Variants in RPS6KA5 observed in about 807,000 individuals in gnomAD.
RPS6KA5 encodes the protein ribosomal protein S6 kinase alpha-5.
In RPS6KA5, 27 loss-of-function variants were observed where a neutral mutation model predicts 85.5. That is an observed-to-expected ratio of 0.32 (90% CI 0.23 to 0.44). The LOEUF is 0.44. Among genes scored for constraint, RPS6KA5 ranks in the 20% least tolerant of loss-of-function variants. The probability of loss-of-function intolerance (pLI) is 1.00; values close to 1 mark genes in which losing one functional copy is unlikely to be tolerated. For synonymous variants in RPS6KA5, 334 were observed against 348.2 expected, an observed-to-expected ratio of 0.96 and a Z score of 0.46; for missense variants, 811 against 980.9, an observed-to-expected ratio of 0.83 and a Z score of 2.31.
In RPS6KA5 at chr14:90,901,310, T is replaced by A. The variant is rs147157174; in HGVS notation, c.1120-574A>T. 3.9e-5 allele frequency among the ~76,000 whole-genome samples: 6 copies of A among 152,182 alleles called. No homozygotes were observed. In the East Asian group the frequency reaches 9.7e-4, roughly 24 times the overall value. ...TCGAACTGGTCTCAAACCCCTGACC[T>A]CAAGTGATCAACCCACCTCGGCCTC... On this transcript the variant is annotated intron_variant, in intron 9 of 16. Coordinates refer to ENST00000614987, the MANE Select transcript of RPS6KA5 (RefSeq NM_004755.4).
chr14:90,955,630 G>C (rs2038461141), intron 3 of RPS6KA5, among the ~76,000 whole-genome samples: 1 of 58,426 alleles, frequency 1.7e-5, no homozygotes, highest in African/African-American at 1.1e-4. Flanking sequence ...TGATTTTAAT[G>C]TTTTAAAATT....
chr14:91,060,234 C>T, intron 1 of RPS6KA5, 98 bp downstream of exon 1: 1 of 965,110 alleles, frequency 1.0e-6, no homozygotes, highest in Non-Finnish European at 1.2e-6. Context: ...TCCGCGCCCA[C>T]GGCTGCGGCC....
In RPS6KA5 at chr14:90,894,597, A is replaced by C. The variant is rs1198530216; in HGVS notation, c.1474-14T>G. On this transcript the variant is annotated splice_polypyrimidine_tract_variant and intron_variant, in intron 12 of 16. Transcript: ENST00000614987. ...AAACGTGTGAAGCTAGAAAAGAGAA[A>C]GAATAACGTGGAGGGCCTTCCTGAA... 1 of 1,612,010 alleles carries C rather than the reference A, an allele frequency of 6.2e-7. No individual in the cohort carries two copies. The highest frequency in any genetic ancestry group is 8.5e-7 in the Non-Finnish European group (1 of 1,178,652).
rs977148623 is a variant in RPS6KA5 at position 90,865,957 on chromosome 14, T to C, written c.*6117A>G. ...CTCACACAGCATCATTATTTCCTTA[T>C]TCCTAATAATTTTCATCACAAACAT... On this transcript the variant is annotated 3_prime_UTR_variant, in exon 17 of 17. Coordinates refer to ENST00000614987, the MANE Select transcript of RPS6KA5 (RefSeq NM_004755.4). 11 of 152,332 alleles carry C rather than the reference T, an allele frequency of 7.2e-5. No individual in the cohort carries two copies. The highest frequency in any genetic ancestry group is 2.6e-4 in the African/African-American group (11 of 41,566). 9.4% of individuals were successfully genotyped at this position (152,332 alleles called of 1,614,324 possible).
intron 14 of RPS6KA5, among the ~76,000 whole-genome samples, chr14:90,887,006 A>G (rs546402882): frequency 6.6e-6 from 1 of 152,362 alleles, no homozygotes; most frequent in African/African-American, 2.4e-5. Flanking sequence ...TCTGAAACAA[A>G]TCAGGAGACT....
chr14:90,987,509 A>G (rs895476003), intron 2 of RPS6KA5, among the ~76,000 whole-genome samples: 6 of 152,150 alleles, frequency 3.9e-5, no homozygotes, highest in African/African-American at 9.7e-5. Flanking sequence ...GATTGGAGGG[A>G]AAAAAAGCTA....
At chr14:90,986,354 A>T (rs1403565459) in intron 2 of RPS6KA5, among the ~76,000 whole-genome samples, 1 of 152,116 alleles carries the variant, frequency 6.6e-6, no homozygotes, top group Non-Finnish European at 1.5e-5. Context: ...AGATTACTGG[A>T]ATCTTGTGAA....
At chr14:91,012,279 T>A (rs960436942) in intron 1 of RPS6KA5, among the ~76,000 whole-genome samples, 1 of 152,232 alleles carries the variant, frequency 6.6e-6, no homozygotes, top group African/African-American at 2.4e-5. Flanking sequence ...GAAATCTCAA[T>A]ACTAACCTCT....
At chr14:90,957,815 CTTTG>C (rs2038601539) in intron 3 of RPS6KA5, among the ~76,000 whole-genome samples, 1 of 151,444 alleles carries the variant, frequency 6.6e-6, no homozygotes, top group African/African-American at 2.4e-5. Flanking sequence ...CCAAAATTTC[CTTTG>C]TTTTTTTTTT....
intron 2 of RPS6KA5, among the ~76,000 whole-genome samples, chr14:90,981,902 A>G (rs772309193): frequency 1.3e-5 from 2 of 152,264 alleles, no homozygotes; most frequent in African/African-American, 2.4e-5. Flanking sequence ...TTGTTTTTGA[A>G]GCACCCATAA....
chr14:90,868,121 G>A lies in RPS6KA5; in HGVS notation c.*3953C>T, dbSNP rs2032879321. On this transcript the variant is annotated 3_prime_UTR_variant, in exon 17 of 17. Transcript: ENST00000614987. ...TCTCTAAAGAATGTCACAATTTGGA[G>A]TGAAGTTACTTAACAAAACAGGGAA... 6.6e-6 allele frequency: 1 copy of A among 152,200 alleles called. No homozygotes were observed. The highest frequency in any genetic ancestry group is 2.1e-4 in the South Asian group (1 of 4,834). The allele number at this position is 152,200 out of a possible 1,614,324, so 9.4% of individuals were successfully genotyped here. A position where few individuals can be genotyped will look rare whatever the true frequency, so the allele number is the denominator to read the frequency against.
rs1343417673 is a variant in RPS6KA5 at position 90,863,636 on chromosome 14, A to G, written c.*8438T>C. ...TACCAAAAAAACTATATTTCTATAA[A>G]CTAATTAAAAACAATTTGATAATAA... On this transcript the variant is annotated 3_prime_UTR_variant, in exon 17 of 17. Transcript: ENST00000614987. The G allele has an allele frequency of 6.6e-6, 1 of 152,138 alleles. No individual in the cohort carries two copies. The highest frequency in any genetic ancestry group is 2.4e-5 in the African/African-American group (1 of 41,436). 9.4% of individuals were successfully genotyped at this position (152,138 alleles called of 1,614,324 possible). A position where few individuals can be genotyped will look rare whatever the true frequency, so the allele number is the denominator to read the frequency against.
intron 1 of RPS6KA5, among the ~76,000 whole-genome samples, chr14:91,049,655 A>G (rs887903022): frequency 2.6e-5 from 4 of 152,112 alleles, no homozygotes; most frequent in African/African-American, 9.7e-5. Flanking sequence ...GTACTACAAA[A>G]AAAGTACAAA....
At chr14:91,036,479 A>T (rs1284244823) in intron 1 of RPS6KA5, among the ~76,000 whole-genome samples, 1 of 152,190 alleles carries the variant, frequency 6.6e-6, no homozygotes, top group Non-Finnish European at 1.5e-5. Context: ...CTAGGAAGGC[A>T]GGTAGACAAA....
intron 2 of RPS6KA5, among the ~76,000 whole-genome samples, chr14:90,999,378 C>T (rs2078243862): frequency 6.6e-6 from 1 of 152,124 alleles, no homozygotes; most frequent in Admixed American, 6.5e-5. Context: ...TCCATCCTGT[C>T]AGGCGCTAGA....
At chr14:90,939,322 G>A (rs1231501992) in intron 5 of RPS6KA5, among the ~76,000 whole-genome samples, 2 of 152,156 alleles carry the variant, frequency 1.3e-5, no homozygotes, top group African/African-American at 4.8e-5. Flanking sequence ...CAAGTCTCTA[G>A]GAAGGTCCAA....
chr14:90,954,319 G>C (rs1447679780), intron 3 of RPS6KA5, among the ~76,000 whole-genome samples: 1 of 152,214 alleles, frequency 6.6e-6, no homozygotes, highest in Admixed American at 6.5e-5. Context: ...AGTTTGTGAA[G>C]AACTGGTAAT....
chr14:90,883,102 TG>T (rs1293482121), intron 14 of RPS6KA5, among the ~76,000 whole-genome samples: 3 of 152,208 alleles, frequency 2.0e-5, no homozygotes, highest in African/African-American at 4.8e-5. Context: ...TGTTTCAGTG[TG>T]GGTCTCTTTC....
chr14:90,873,240 T>A (rs2033236059), intron 16 of RPS6KA5, among the ~76,000 whole-genome samples: 2 of 152,306 alleles, frequency 1.3e-5, no homozygotes, highest in South Asian at 4.1e-4. Context: ...TTACTTCATA[T>A]CCCTCCCAGT....
Sources: allele counts gnomAD v4.1 joint callset (sites outside exome capture counted in the v4.1 genomes callset), GRCh38; gene constraint gnomAD v4.1.1; transcripts MANE v1.5; gene names NCBI Gene and HGNC (gene_info 2026-07-23, HGNC 2026-07-21).